Variants in XKR4 observed in about 807,000 individuals in gnomAD.
XKR4 encodes the protein XK-related protein 4.
In XKR4, 12 loss-of-function variants were observed where a neutral mutation model predicts 53.9. The observed-to-expected ratio is 0.22, with a 90% CI of 0.14 to 0.36. The LOEUF (loss-of-function observed/expected upper bound fraction) is 0.36, where lower values mean the gene tolerates loss of function less well. XKR4 is among the 10% of genes least tolerant of loss of function. The probability of loss-of-function intolerance (pLI) is 1.00; values close to 1 mark genes in which losing one functional copy is unlikely to be tolerated. For synonymous variants in XKR4, 354 were observed against 362.4 expected (o/e 0.98, Z 0.26); for missense variants, 799 against 859.5 (o/e 0.93, Z 0.88).
intron 1 of XKR4, among the ~76,000 whole-genome samples, chr8:55,262,260 A>T (rs1489843004): frequency 6.6e-6 from 1 of 152,250 alleles, no homozygotes; most frequent in Non-Finnish European, 1.5e-5. Context: ...TGCCAGAATT[A>T]ATCCACGTAA....
chr8:55,149,083 T>G (rs1816807655), intron 1 of XKR4, among the ~76,000 whole-genome samples: 3 of 152,240 alleles, frequency 2.0e-5, no homozygotes, highest in Admixed American at 2.0e-4. Flanking sequence ...ATTTAATCTT[T>G]GCCTAGAAAC....
At chr8:55,451,074 G>A (rs534382959) in intron 2 of XKR4, 66 of 516,576 alleles carry the variant, frequency 1.3e-4, no homozygotes, top group Admixed American at 2.7e-4. Flanking sequence ...CTGCTGCAAG[G>A]GGTCCGGCCG....
At chr8:55,513,913 ATGAG>A (rs1314345762) in intron 2 of XKR4, among the ~76,000 whole-genome samples, 2 of 152,226 alleles carry the variant, frequency 1.3e-5, no homozygotes, top group African/African-American at 4.8e-5. Context: ...CACCAGTGAA[ATGAG>A]TGAGGGGCCA....
chr8:55,244,408 T>TA (rs1182910410), intron 1 of XKR4, among the ~76,000 whole-genome samples: 2 of 152,250 alleles, frequency 1.3e-5, no homozygotes, highest in Non-Finnish European at 2.9e-5. Context: ...CATTCTTTTT[T>TA]ATGGCTGTGT....
intron 2 of XKR4, among the ~76,000 whole-genome samples, chr8:55,407,195 G>C (rs1163337039): frequency 6.6e-6 from 1 of 151,994 alleles, no homozygotes; most frequent in Non-Finnish European, 1.5e-5. Flanking sequence ...GCAGCCTCCC[G>C]ACACAGGCCA....
intron 1 of XKR4, among the ~76,000 whole-genome samples, chr8:55,143,602 G>A (rs552410209): frequency 2.6e-4 from 40 of 152,280 alleles, no homozygotes; most frequent in Middle Eastern, 3.4e-3. Context: ...TGGCACAGAA[G>A]AGATTATAAT....
At chr8:55,137,264 A>G (rs2129353771) in intron 1 of XKR4, among the ~76,000 whole-genome samples, 1 of 152,202 alleles carries the variant, frequency 6.6e-6, no homozygotes, top group African/African-American at 2.4e-5. Flanking sequence ...GAAAAAAAAA[A>G]GAAAACTTGT....
intron 1 of XKR4, among the ~76,000 whole-genome samples, chr8:55,107,518 G>C (rs1585881661): frequency 6.6e-6 from 1 of 152,128 alleles, no homozygotes; most frequent in African/African-American, 2.4e-5. Context: ...AGAGACTTGA[G>C]CTTAGCTCTT....
chr8:55,208,832 G>A (rs897057194), intron 1 of XKR4, among the ~76,000 whole-genome samples: 1 of 152,142 alleles, frequency 6.6e-6, no homozygotes, highest in Non-Finnish European at 1.5e-5. Flanking sequence ...TTTGTCCCCT[G>A]CAAGCCTGGC....
rs931265842 is a variant in XKR4 at position 55,534,007 on chromosome 8, G to C, written c.*9780G>C. 2.0e-4 allele frequency: 31 copies of C among 152,086 alleles called. No homozygotes were observed. The highest frequency in any genetic ancestry group is 7.5e-4 in the African/African-American group (31 of 41,382). 9.4% of individuals were successfully genotyped at this position (152,086 alleles called of 1,614,324 possible). A position where few individuals can be genotyped will look rare whatever the true frequency, so the allele number is the denominator to read the frequency against. On this transcript the variant is annotated 3_prime_UTR_variant, in exon 3 of 3. Transcript: ENST00000327381. ...GCATAGCTCAGAGAACGGAGTACTG[G>C]GTCGTGGAGACTTGCTTTAAATGGA...
chr8:55,228,675 C>T (rs1817990513), intron 1 of XKR4, among the ~76,000 whole-genome samples: 3 of 152,170 alleles, frequency 2.0e-5, no homozygotes, highest in Admixed American at 1.3e-4. Flanking sequence ...GACCTTCACC[C>T]GCTTCTACAA....
At chr8:55,359,743 G>A (rs1358619215) in intron 2 of XKR4, among the ~76,000 whole-genome samples, 2 of 151,962 alleles carry the variant, frequency 1.3e-5, no homozygotes, top group Non-Finnish European at 2.9e-5. Flanking sequence ...AGGTGAGAGA[G>A]GGATCTGAGA....
chr8:55,125,663 A>T (rs1273583175), intron 1 of XKR4, among the ~76,000 whole-genome samples: 5 of 152,226 alleles, frequency 3.3e-5, no homozygotes, highest in African/African-American at 1.2e-4. Flanking sequence ...AATATATTAA[A>T]CACAAAAGCC....
chr8:55,233,925 T>C (rs1419686937), intron 1 of XKR4, among the ~76,000 whole-genome samples: 1 of 152,156 alleles, frequency 6.6e-6, no homozygotes, highest in Non-Finnish European at 1.5e-5. Context: ...AGATGAAAGA[T>C]AACAATCAGA....
intron 1 of XKR4, among the ~76,000 whole-genome samples, chr8:55,183,018 T>C (rs1817331645): frequency 1.3e-5 from 2 of 152,074 alleles, no homozygotes; most frequent in Admixed American, 1.3e-4. Flanking sequence ...TGATTTTATC[T>C]GCATTGTCAA....
At chr8:55,364,176 G>A (rs1803939719) in intron 2 of XKR4, among the ~76,000 whole-genome samples, 1 of 152,204 alleles carries the variant, frequency 6.6e-6, no homozygotes, top group African/African-American at 2.4e-5. Context: ...AGACAGTTCT[G>A]ATGGACTGAA....
intron 1 of XKR4, among the ~76,000 whole-genome samples, chr8:55,347,847 A>T (rs947361429): frequency 6.6e-6 from 1 of 152,210 alleles, no homozygotes; most frequent in Non-Finnish European, 1.5e-5. Context: ...TTAGCTGTGT[A>T]TATGGCTTTC....
rs141303089 is a variant in XKR4, at chr8:55,429,444, T to G, written c.1006+71567T>G. ...AAATATTGAGGTCGGGTGCGGTGGC[T>G]CATGCCTGTAATCCCAGAACTTTGG... On this transcript the variant is annotated intron_variant, in intron 2 of 2. Transcript: ENST00000327381. 1.7e-3 allele frequency among the ~76,000 whole-genome samples: 260 copies of G among 152,038 alleles called. 1 individual carries two copies. Among genetic ancestry groups the G allele is most frequent in the Non-Finnish European group, 2.8e-3 (193 of 67,958 alleles).
At chr8:55,485,285 A>T (rs1044797881) in intron 2 of XKR4, among the ~76,000 whole-genome samples, 8 of 152,210 alleles carry the variant, frequency 5.3e-5, no homozygotes, top group Admixed American at 2.0e-4. Context: ...AGGAAATAAA[A>T]AGCATATACT....
Sources: gnomAD v4.1 joint callset for allele counts (sites outside exome capture counted in the v4.1 genomes callset) on GRCh38, gnomAD v4.1.1 for gene constraint, MANE v1.5 for transcripts, NCBI Gene and HGNC (gene_info 2026-07-23, HGNC 2026-07-21) for gene names.